Variants in NRXN3 observed in about 807,000 individuals in gnomAD.
NRXN3 encodes neurexin III.
Under a neutral mutation model 137.6 loss-of-function variants are expected in NRXN3, and 32 were observed. The observed-to-expected ratio is 0.23, with a 90% CI of 0.18 to 0.31. The LOEUF (loss-of-function observed/expected upper bound fraction) is 0.31. Ranked by LOEUF, NRXN3 falls within the 10% of genes least tolerant of loss-of-function variation. The probability of loss-of-function intolerance (pLI) is 1.00; values close to 1 mark genes in which losing one functional copy is unlikely to be tolerated. For synonymous variants in NRXN3, 798 were observed against 784.5 expected (o/e 1.02, Z -0.29); for missense variants, 1,574 against 2,062.5 (o/e 0.76, Z 4.59).
At chr14:79,149,670 A>G (rs553046285) in intron 15 of NRXN3, among the ~76,000 whole-genome samples, 5 of 152,176 alleles carry the variant, frequency 3.3e-5, no homozygotes, top group African/African-American at 1.2e-4. Flanking sequence ...GGAATACTAT[A>G]CAGACATAAA....
intron 10 of NRXN3, among the ~76,000 whole-genome samples, chr14:78,939,737 G>T (rs2099349404): frequency 1.3e-5 from 2 of 152,226 alleles, no homozygotes; most frequent in South Asian, 2.1e-4. Context: ...AACAGAGATT[G>T]TCTGAGCTTC....
intron 16 of NRXN3, among the ~76,000 whole-genome samples, chr14:79,504,939 G>A (rs977740944): frequency 4.6e-5 from 7 of 151,978 alleles, no homozygotes; most frequent in Non-Finnish European, 1.0e-4. Flanking sequence ...AAATGGCTGC[G>A]CTCAGTGGCT....
At chr14:79,727,997 G>A (rs1043198422) in intron 19 of NRXN3, among the ~76,000 whole-genome samples, 1 of 152,096 alleles carries the variant, frequency 6.6e-6, no homozygotes, top group African/African-American at 2.4e-5. Flanking sequence ...AGTAAAAGTG[G>A]ACTATTAACT....
chr14:79,262,373 A>C (rs1025469387), intron 15 of NRXN3, among the ~76,000 whole-genome samples: 1 of 151,814 alleles, frequency 6.6e-6, no homozygotes, highest in Non-Finnish European at 1.5e-5. Context: ...GATAAGAGGA[A>C]GAAAAAGAGG....
At chr14:79,672,222 G>GA (rs1314053516) in intron 17 of NRXN3, among the ~76,000 whole-genome samples, 1 of 151,990 alleles carries the variant, frequency 6.6e-6, no homozygotes, top group East Asian at 1.9e-4. Flanking sequence ...ATTTAAAGAA[G>GA]AAGTTGGAAT....
intron 8 of NRXN3, among the ~76,000 whole-genome samples, chr14:78,732,105 C>G (rs936229452): frequency 1.3e-5 from 2 of 152,050 alleles, no homozygotes; most frequent in African/African-American, 4.8e-5. Context: ...CAGAGGCTAC[C>G]CAGGGGATAT....
intron 8 of NRXN3, among the ~76,000 whole-genome samples, chr14:78,734,537 A>G (rs1048369101): frequency 8.5e-5 from 13 of 152,204 alleles, no homozygotes; most frequent in Admixed American, 6.5e-4. Flanking sequence ...TGGAGTTTAT[A>G]GTCTAGTGAC....
At chr14:78,817,661 C>T (rs1019669358) in intron 10 of NRXN3, among the ~76,000 whole-genome samples, 3 of 152,078 alleles carry the variant, frequency 2.0e-5, no homozygotes, top group Non-Finnish European at 2.9e-5. Context: ...AAAAAGATCA[C>T]TTGGTGAGAG....
At chr14:78,194,284 C>T (rs765113414) in intron 1 of NRXN3, among the ~76,000 whole-genome samples, 23 of 152,072 alleles carry the variant, frequency 1.5e-4, no homozygotes, top group African/African-American at 2.9e-4. Context: ...CATGGAGGCT[C>T]ATATCTGGTG....
At chr14:78,307,418 G>T (rs2153538668) in intron 4 of NRXN3, among the ~76,000 whole-genome samples, 1 of 152,098 alleles carries the variant, frequency 6.6e-6, no homozygotes, top group East Asian at 1.9e-4. Flanking sequence ...GTAATAATCA[G>T]TAGGCAGGCT....
At chr14:78,915,369 A>AAAAAAAAAAAAAAG (rs2099252340) in intron 10 of NRXN3, among the ~76,000 whole-genome samples, 1 of 147,138 alleles carries the variant, frequency 6.8e-6, no homozygotes, top group African/African-American at 2.5e-5. Flanking sequence ...AAAAAAAAAA[A>AAAAAAAAAAAAAAG]AAACCACACA....
At chr14:78,973,607 A>G (rs796997814) in intron 14 of NRXN3, among the ~76,000 whole-genome samples, 42 of 152,326 alleles carry the variant, frequency 2.8e-4, no homozygotes, top group African/African-American at 9.6e-4. Context: ...TGAATACCCT[A>G]TAAAATACCA....
In NRXN3 at chr14:78,247,367, T is replaced by C. The variant is rs144485627; in HGVS notation, c.709+3565T>C. On this transcript the variant is annotated intron_variant, in intron 2 of 20. Coordinates refer to ENST00000335750, the MANE Select transcript of NRXN3 (RefSeq NM_001330195.2). ...GTATGAGGTAATAGACACAGTATCT[T>C]CTCTTTCATTTGGTGAGACTGTTAG... Among the ~76,000 whole-genome samples, 658 of 152,304 alleles carry C rather than the reference T, an allele frequency of 4.3e-3. 6 individuals carry two copies. Among genetic ancestry groups the C allele is most frequent in the African/African-American group, 0.015 (620 of 41,562 alleles).
intron 15 of NRXN3, among the ~76,000 whole-genome samples, chr14:79,094,746 A>G (rs1020237288): frequency 1.3e-5 from 2 of 152,068 alleles, no homozygotes; most frequent in African/African-American, 4.8e-5. Flanking sequence ...AAAGCTGTAG[A>G]TTTGCAGCCT....
At chr14:78,322,830 C>T (rs974889799) in intron 4 of NRXN3, among the ~76,000 whole-genome samples, 7 of 151,928 alleles carry the variant, frequency 4.6e-5, no homozygotes, top group African/African-American at 1.5e-4. Context: ...TTAATTTGAG[C>T]CTCACACACT....
chr14:79,106,224 T>C (rs2052409822), intron 15 of NRXN3, among the ~76,000 whole-genome samples: 1 of 152,124 alleles, frequency 6.6e-6, no homozygotes, highest in Non-Finnish European at 1.5e-5. Flanking sequence ...TATCAGCTCA[T>C]AATCTTCCAA....
chr14:79,120,683 T>A (rs2055257108), intron 15 of NRXN3, among the ~76,000 whole-genome samples: 1 of 152,186 alleles, frequency 6.6e-6, no homozygotes. Flanking sequence ...TTTTATATTA[T>A]TCACCTTTTC....
chr14:79,117,916 G>A (rs905199159), intron 15 of NRXN3, among the ~76,000 whole-genome samples: 5 of 152,176 alleles, frequency 3.3e-5, no homozygotes, highest in Non-Finnish European at 7.4e-5. Context: ...CTGAGTGTGT[G>A]CTTAGGGGTC....
chr14:78,201,929 C>T (rs2061719303), intron 1 of NRXN3, among the ~76,000 whole-genome samples: 4 of 152,246 alleles, frequency 2.6e-5, no homozygotes, highest in Admixed American at 2.6e-4. Context: ...AAGCCTCTCT[C>T]TGAGCAAGGT....
Sources: gnomAD v4.1 joint callset for allele counts (sites outside exome capture counted in the v4.1 genomes callset) on GRCh38, gnomAD v4.1.1 for gene constraint, MANE v1.5 for transcripts, NCBI Gene and HGNC (gene_info 2026-07-23, HGNC 2026-07-21) for gene names.